Variants in FBXO34 observed in about 807,000 individuals in gnomAD.
The protein encoded by FBXO34 is F-box protein 34.
FBXO34 carries 12 observed loss-of-function variants against 24.5 expected under a neutral mutation model. The ratio of observed to expected loss-of-function variants is 0.49; its 90% CI spans 0.31 to 0.79. The LOEUF (loss-of-function observed/expected upper bound fraction) is 0.79. Among genes scored for constraint, FBXO34 ranks in the 30% least tolerant of loss-of-function variants. The probability of loss-of-function intolerance (pLI) is 0.04; values close to 1 mark genes in which losing one functional copy is unlikely to be tolerated. For missense variants in FBXO34, 823 were observed against 857.7 expected (o/e 0.96, Z 0.51); for synonymous variants, 320 against 311.9 (o/e 1.03, Z -0.27).
chr14:55,318,783 A>C (rs1050833118), intron 1 of FBXO34, among the ~76,000 whole-genome samples: 1 of 152,098 alleles, frequency 6.6e-6, no homozygotes, highest in Non-Finnish European at 1.5e-5. Context: ...CATTGTCTCT[A>C]ATTCTTCAGC....
intron 1 of FBXO34, among the ~76,000 whole-genome samples, chr14:55,274,223 G>A (rs57123697): frequency 6.6e-6 from 1 of 152,202 alleles, no homozygotes; most frequent in African/African-American, 2.4e-5. Flanking sequence ...ATTTTGCTTA[G>A]CAGTTAGGAA....
At chr14:55,413,868 G>T in the FBXO34 span, 1 of 439,384 alleles carries the variant, frequency 2.3e-6, no homozygotes, top group South Asian at 1.8e-5. Context: ...TAACACTGTA[G>T]ACTCTTCCAG....
At chr14:55,322,214 G>A (rs910295408) in intron 1 of FBXO34, among the ~76,000 whole-genome samples, 2 of 151,654 alleles carry the variant, frequency 1.3e-5, no homozygotes, top group African/African-American at 2.4e-5. Flanking sequence ...GGAGGCTGAG[G>A]CAAGAGAATG....
At chr14:55,296,752 G>A (rs1020412265) in intron 1 of FBXO34, among the ~76,000 whole-genome samples, 27 of 152,188 alleles carry the variant, frequency 1.8e-4, no homozygotes, top group African/African-American at 6.3e-4. Flanking sequence ...AATTATAGTA[G>A]TGGAAACAGT....
At chr14:55,291,998 A>G (rs1353490711) in intron 1 of FBXO34, among the ~76,000 whole-genome samples, 1 of 152,142 alleles carries the variant, frequency 6.6e-6, no homozygotes, top group African/African-American at 2.4e-5. Flanking sequence ...TTCATGTATA[A>G]AGTTAATTTA....
intron 1 of FBXO34, among the ~76,000 whole-genome samples, chr14:55,297,739 C>T (rs1882190702): frequency 6.6e-6 from 1 of 152,062 alleles, no homozygotes; most frequent in Non-Finnish European, 1.5e-5. Flanking sequence ...TTGAAAAACC[C>T]TCTACTTCTT....
rs1377298458 is a variant in FBXO34 at position 55,319,636 on chromosome 14, C to T, written c.-10-30745C>T. Among the ~76,000 whole-genome samples, 5 of 152,114 alleles carry T rather than the reference C, an allele frequency of 3.3e-5. No homozygotes were observed. The South Asian group carries it at 8.3e-4, about 25-fold the overall frequency. ...AGGTTTTTTCATGTGATTGTATGCA[C>T]AGGACCAACATTCTATATAGTGTGT... On this transcript the variant is annotated intron_variant, in intron 1 of 1. Coordinates refer to ENST00000313833, the MANE Select transcript of FBXO34 (RefSeq NM_017943.4).
rs374114341 is a variant in FBXO34, at chr14:55,352,554, C to A, written c.*28C>A. On this transcript the variant is annotated 3_prime_UTR_variant, in exon 2 of 2. Transcript: ENST00000313833. ...TCCATGTGAGAGGCAACAAAAGGACCGGTTTCTAAAGCTGCAAAACACCTA... is the reference window on the plus strand; with the variant it reads ...TCCATGTGAGAGGCAACAAAAGGACAGGTTTCTAAAGCTGCAAAACACCTA... 8.4e-6 allele frequency: 13 copies of A among 1,550,526 alleles called. No individual in the cohort carries two copies. The highest frequency in any genetic ancestry group is 2.1e-4 in the Middle Eastern group (1 of 4,768).
chr14:55,365,208 C>CA (rs1884653191), downstream of FBXO34, among the ~76,000 whole-genome samples: 1 of 139,628 alleles, frequency 7.2e-6, no homozygotes, highest in Non-Finnish European at 1.5e-5. Flanking sequence ...GAGACTCTAT[C>CA]ATCTCTTCTA....
chr14:55,271,430 G>C lies in FBXO34; in HGVS notation c.-118G>C, dbSNP rs1446981062. The C allele has an allele frequency of 6.6e-6, 1 of 152,106 alleles. No individual in the cohort carries two copies. Among genetic ancestry groups the C allele is most frequent in the Non-Finnish European group, 1.5e-5 (1 of 68,034 alleles). 9.4% of individuals were successfully genotyped at this position (152,106 alleles called of 1,614,324 possible). A position where few individuals can be genotyped will look rare whatever the true frequency, so the allele number is the denominator to read the frequency against. On this transcript the variant is annotated 5_prime_UTR_variant, in exon 1 of 2. Transcript: ENST00000313833. Reference sequence around the variant, plus strand: ...CCGCGCCGCGCTGGGTGCTCGGTCCGACTCAGCGGTGGGGAGTGAGCCAGG... The same window carrying C: ...CCGCGCCGCGCTGGGTGCTCGGTCCCACTCAGCGGTGGGGAGTGAGCCAGG...
chr14:55,339,652 A>G (rs1216624317), intron 1 of FBXO34, among the ~76,000 whole-genome samples: 5 of 152,170 alleles, frequency 3.3e-5, no homozygotes, highest in South Asian at 2.1e-4. Context: ...TATCTATAGT[A>G]TAGATTTATT....
the FBXO34 span, among the ~76,000 whole-genome samples, chr14:55,428,330 C>T: frequency 1.3e-5 from 2 of 151,796 alleles, no homozygotes; most frequent in Admixed American, 1.3e-4. Flanking sequence ...AGGGTTTCAC[C>T]GTGTTAGCCA....
downstream of FBXO34, among the ~76,000 whole-genome samples, chr14:55,365,639 T>A (rs986156678): frequency 2.0e-5 from 3 of 152,194 alleles, no homozygotes; most frequent in African/African-American, 7.2e-5. Flanking sequence ...AATCTCCCTT[T>A]AAACACCAGA....
At chr14:55,421,880 A>G in the FBXO34 span, among the ~76,000 whole-genome samples, 1 of 152,250 alleles carries the variant, frequency 6.6e-6, no homozygotes, top group African/African-American at 2.4e-5. Flanking sequence ...CTGAGTTATG[A>G]CTTAATCAAC....
chr14:55,325,364 C>T (rs1301895150), intron 1 of FBXO34, among the ~76,000 whole-genome samples: 1 of 152,180 alleles, frequency 6.6e-6, no homozygotes, highest in Admixed American at 6.5e-5. Context: ...AAAATCTGTT[C>T]TGAAAGATCT....
intron 1 of FBXO34, among the ~76,000 whole-genome samples, chr14:55,349,695 C>G (rs1363356261): frequency 1.3e-5 from 2 of 148,852 alleles, no homozygotes; most frequent in Non-Finnish European, 3.0e-5. Context: ...GCAGCCTCTG[C>G]CCCTAGGTTA....
chr14:55,349,607 C>CTTTTTTTTT lies in FBXO34; in HGVS notation c.-10-764_-10-756dup, dbSNP rs57284715. Reference sequence around the variant, plus strand: ...GAATAGTTTAGGAAGCAATAATTTTCTTTTTTTTTTTTTTTTTTGAGACAA... The same window carrying CTTTTTTTTT: ...GAATAGTTTAGGAAGCAATAATTTTCTTTTTTTTTTTTTTTTTTTTTTTTTTTGAGACAA... On this transcript the variant is annotated intron_variant, in intron 1 of 1. Transcript: ENST00000313833. Among the ~76,000 whole-genome samples, 452 of 116,560 alleles carry CTTTTTTTTT rather than the reference C, an allele frequency of 3.9e-3. 11 individuals are homozygous for CTTTTTTTTT. The highest frequency in any genetic ancestry group is 8.5e-3 in the African/African-American group (264 of 31,020). The allele number at this position is 116,560 out of a possible 152,430, so 76.5% of individuals were successfully genotyped here.
At chr14:55,296,393 T>TTTG (rs1882129718) in intron 1 of FBXO34, among the ~76,000 whole-genome samples, 1 of 99,862 alleles carries the variant, frequency 1.0e-5, no homozygotes, top group African/African-American at 3.9e-5. Flanking sequence ...TTTTTTTTGT[T>TTTG]TTTTTTTTTT....
chr14:55,279,419 C>T (rs1451313546), intron 1 of FBXO34, among the ~76,000 whole-genome samples: 1 of 152,032 alleles, frequency 6.6e-6, no homozygotes, highest in Non-Finnish European at 1.5e-5. Flanking sequence ...GTGATTTCTA[C>T]TGGTGACAAA....
Sources: gnomAD v4.1 joint callset for allele counts (sites outside exome capture counted in the v4.1 genomes callset) on GRCh38, gnomAD v4.1.1 for gene constraint, MANE v1.5 for transcripts, NCBI Gene and HGNC (gene_info 2026-07-23, HGNC 2026-07-21) for gene names.